The following PLB1 variants were observed in gnomAD, a reference collection of about 807,000 sequenced individuals.
PLB1 encodes the protein phospholipase B1, also known as phospholipase B1, membrane-associated.
PLB1 carries 242 observed loss-of-function variants against 227.4 expected under a neutral mutation model. The ratio of observed to expected loss-of-function variants is 1.06; its 90% CI spans 0.96 to 1.18. The LOEUF (loss-of-function observed/expected upper bound fraction) is 1.18, where lower values mean the gene tolerates loss of function less well. Ranked by LOEUF, PLB1 falls within the 50% of genes most tolerant of loss-of-function variation. PLB1 has a pLI of 0.00. For missense variants in PLB1, 1,858 were observed against 1,816.3 expected, an observed-to-expected ratio of 1.02 and a Z score of -0.42; for synonymous variants, 757 against 682.2, an observed-to-expected ratio of 1.11 and a Z score of -1.71.
chr2:28,587,352 A>G (rs1412020593), intron 26 of PLB1, among the ~76,000 whole-genome samples: 7 of 152,208 alleles, frequency 4.6e-5, no homozygotes, highest in Non-Finnish European at 7.3e-5. Context: ...GTGGTGACTC[A>G]CGCCTATAAT....
intron 47 of PLB1, 34 bp downstream of exon 47, chr2:28,620,366 A>C: frequency 6.5e-7 from 1 of 1,549,256 alleles, no homozygotes; most frequent in African/African-American, 1.4e-5. Flanking sequence ...TCTATTGATG[A>C]TGCTCTCTCA....
At chr2:28,559,881 A>G (rs1222502200) in intron 17 of PLB1, among the ~76,000 whole-genome samples, 1 of 150,014 alleles carries the variant, frequency 6.7e-6, no homozygotes, top group East Asian at 2.0e-4. Flanking sequence ...CCTCCCAAAT[A>G]GCTGGGACTA....
At chr2:28,522,900 A>G (rs1224089623) in intron 4 of PLB1, among the ~76,000 whole-genome samples, 1 of 152,156 alleles carries the variant, frequency 6.6e-6, no homozygotes, top group Non-Finnish European at 1.5e-5. Flanking sequence ...TGGGGTGTGT[A>G]TTTTAAAAGC....
chr2:28,624,435 G>T (rs752975163), intron 49 of PLB1, among the ~76,000 whole-genome samples: 11 of 151,926 alleles, frequency 7.2e-5, no homozygotes, highest in Non-Finnish European at 1.2e-4. Context: ...CATTCATATC[G>T]CTCATCCAGA....
At chr2:28,549,935 T>C in intron 15 of PLB1, 75 bp from the exon 16 acceptor site, 2 of 1,300,904 alleles carry the variant, frequency 1.5e-6, no homozygotes, top group Non-Finnish European at 2.2e-6. Context: ...AAAGCATCAC[T>C]GGATGCTGAA....
At position 28,565,302 on chromosome 2, in the gene PLB1, C is replaced by T. The variant is rs772581265; in HGVS notation, c.1229C>T (p.Thr410Ile). ...SLTAGNGAGS[T>I]PGNVLDVLTQ... is the part of the protein sequence containing the mutation. ...CAGGCAGGCAATGGGGCCGGGTCCA[C>T]ACCTGGGAACGTCTTGGACGTCTTG... Residue 410 changes from threonine (T) to isoleucine (I), a missense_variant, in exon 19 of 58, where the codon ACA becomes ATA. Thr to Ile is a moderately conservative substitution (Grantham distance 89). Coordinates refer to ENST00000327757, the MANE Select transcript of PLB1 (RefSeq NM_153021.5). 3 of 1,612,158 alleles carry T rather than the reference C, an allele frequency of 1.9e-6. No individual in the cohort carries two copies. The highest frequency in any genetic ancestry group is 2.5e-6 in the Non-Finnish European group (3 of 1,179,304).
Position 28,531,540 on chromosome 2 carries a change from A to C in PLB1, c.469-568A>C, listed in dbSNP as rs562794639. 3.3e-5 allele frequency among the ~76,000 whole-genome samples: 5 copies of C among 152,200 alleles called. No individual in the cohort carries two copies. In the South Asian group the frequency reaches 1.0e-3, roughly 32 times the overall value. On this transcript the variant is annotated intron_variant, in intron 8 of 57. Transcript: ENST00000327757. ...TGGTCAGGCTGGTCTCGAACTCCCA[A>C]CCTCAGGTGATCCGCCCAACTCGGC...
chr2:28,532,532 T>C (rs1572797186), intron 9 of PLB1, among the ~76,000 whole-genome samples: 3 of 152,246 alleles, frequency 2.0e-5, no homozygotes, highest in East Asian at 3.8e-4. Flanking sequence ...GTTGTACATA[T>C]GACATGCATT....
intron 1 of PLB1, among the ~76,000 whole-genome samples, chr2:28,500,612 A>G (rs550398654): frequency 1.3e-5 from 2 of 152,036 alleles, no homozygotes; most frequent in Non-Finnish European, 2.9e-5. Context: ...TTAAATAAAT[A>G]TTTAACTGAA....
At chr2:28,587,171 C>T (rs1274828055) in intron 26 of PLB1, among the ~76,000 whole-genome samples, 2 of 152,190 alleles carry the variant, frequency 1.3e-5, no homozygotes, top group Non-Finnish European at 2.9e-5. Flanking sequence ...ATTGGGGTTA[C>T]TGGGTGCACG....
Position 28,592,645 on chromosome 2 carries a change from C to T in PLB1, c.2189-16C>T, listed in dbSNP as rs563088185. ...TTCCCTCCTGCAGCCCTAAGTGTGTCCACTTGTCTTTCCAGTGCATGCCCT... is the reference window on the plus strand; with the variant it reads ...TTCCCTCCTGCAGCCCTAAGTGTGTTCACTTGTCTTTCCAGTGCATGCCCT... On this transcript the variant is annotated splice_polypyrimidine_tract_variant and intron_variant, in intron 31 of 57. Transcript: ENST00000327757. 3 of 1,613,832 alleles carry T rather than the reference C, an allele frequency of 1.9e-6. No homozygotes were observed. The African/African-American group carries it at 4.0e-5, about 22-fold the overall frequency.
intron 16 of PLB1, among the ~76,000 whole-genome samples, chr2:28,550,463 A>AC (rs1166150857): frequency 1.3e-4 from 20 of 151,242 alleles, no homozygotes; most frequent in African/African-American, 4.6e-4. Context: ...GATGTGAGCC[A>AC]CGGCGCCCAG....
chr2:28,538,391 C>A lies in PLB1; in HGVS notation c.618+10C>A. ...CTACCTGCAGCAGGAGGTGAGGCCA[C>A]GGGCCTAGGGCTTCCCCAAGGGCAG... is the stretch of plus-strand genomic sequence containing the variant. On this transcript the variant is annotated intron_variant, in intron 10 of 57. Transcript: ENST00000327757. 1.2e-6 allele frequency: 2 copies of A among 1,609,926 alleles called. No individual in the cohort carries two copies. The highest frequency in any genetic ancestry group is 8.5e-7 in the Non-Finnish European group (1 of 1,179,106).
intron 21 of PLB1, among the ~76,000 whole-genome samples, chr2:28,575,662 C>A (rs1406220083): frequency 6.6e-6 from 1 of 152,148 alleles, no homozygotes; most frequent in African/African-American, 2.4e-5. Flanking sequence ...CCTCCGCCTC[C>A]CAGGTTCAAG....
chr2:28,563,176 GA>G (rs1676324454), intron 18 of PLB1, 77 bp downstream of exon 18: 1 of 1,443,100 alleles, frequency 6.9e-7, no homozygotes, highest in African/African-American at 1.4e-5. Context: ...GGAAAATGGA[GA>G]GAGAAGGTCT....
chr2:28,600,535 A>C (rs141979224), intron 35 of PLB1, among the ~76,000 whole-genome samples: 23 of 152,362 alleles, frequency 1.5e-4, no homozygotes, highest in Non-Finnish European at 2.9e-4. Flanking sequence ...GCCCTTTTGC[A>C]TGTGGAGTCC....
rs372986127 is a variant in PLB1, at chr2:28,579,620, A to G, written c.1486-7A>G. 4 of 1,607,660 alleles carry G rather than the reference A, an allele frequency of 2.5e-6. No individual in the cohort carries two copies. In the African/African-American group the frequency reaches 5.4e-5, roughly 22 times the overall value. ...GGTGCTTACTTCTGTGTTTCTATTC[A>G]TTTCAGAGGATACACTTTCAGGAAG... On this transcript the variant is annotated splice_polypyrimidine_tract_variant and splice_region_variant and intron_variant, in intron 22 of 57. Coordinates refer to ENST00000327757, the MANE Select transcript of PLB1 (RefSeq NM_153021.5).
chr2:28,584,055 GC>G (rs1040517778), intron 25 of PLB1, among the ~76,000 whole-genome samples: 1 of 151,898 alleles, frequency 6.6e-6, no homozygotes, highest in African/African-American at 2.4e-5. Context: ...CCCCTACCCT[GC>G]CCCCCAGCTC....
At chr2:28,522,987 T>G (rs974011648) in intron 4 of PLB1, among the ~76,000 whole-genome samples, 1 of 152,192 alleles carries the variant, frequency 6.6e-6, no homozygotes, top group African/African-American at 2.4e-5. Flanking sequence ...CTGCCTTGAG[T>G]GCCTGGAGCA....
Sources: allele counts gnomAD v4.1 joint callset (sites outside exome capture counted in the v4.1 genomes callset), GRCh38; gene constraint gnomAD v4.1.1; transcripts MANE v1.5; gene names NCBI Gene and HGNC (gene_info 2026-07-23, HGNC 2026-07-21).